Variants in NSD1 observed in about 807,000 individuals in gnomAD.
NSD1 encodes nuclear receptor binding SET domain protein 1.
A neutral mutation model predicts 242.7 loss-of-function variants in NSD1; 26 were observed. The ratio of observed to expected loss-of-function variants is 0.11; its 90% CI spans 0.08 to 0.15. NSD1 has a LOEUF of 0.15. Among genes scored for constraint, NSD1 ranks in the 10% least tolerant of loss-of-function variants. NSD1 has a pLI of 1.00. For missense variants in NSD1, 2,495 were observed against 3,272.8 expected, an observed-to-expected ratio of 0.76 and a Z score of 5.80; for synonymous variants, 1,106 against 1,178.1, an observed-to-expected ratio of 0.94 and a Z score of 1.25.
intron 17 of NSD1, among the ~76,000 whole-genome samples, chr5:177,277,055 A>G (rs897312581): frequency 1.3e-5 from 2 of 152,150 alleles, no homozygotes; most frequent in Admixed American, 1.3e-4. Flanking sequence ...CATATTAACC[A>G]TATTGAGCTA....
At chr5:177,278,967 TG>T (rs1758620739) in intron 17 of NSD1, among the ~76,000 whole-genome samples, 1 of 152,242 alleles carries the variant, frequency 6.6e-6, no homozygotes, top group Non-Finnish European at 1.5e-5. Context: ...TTGACCTTCA[TG>T]TTTTAACTCA....
intron 21 of NSD1, among the ~76,000 whole-genome samples, chr5:177,289,805 C>G (rs1409096935): frequency 3.3e-5 from 5 of 151,206 alleles, no homozygotes; most frequent in African/African-American, 1.2e-4. Context: ...TCTATATTCT[C>G]CTTATTTTTT....
At chr5:177,279,609 A>ATTTTTTTTTTTTTTTTTTTTTTT (rs1457964040) in intron 17 of NSD1, among the ~76,000 whole-genome samples, 1 of 107,790 alleles carries the variant, frequency 9.3e-6, no homozygotes, top group African/African-American at 3.8e-5. Context: ...CAGCTTTGAA[A>ATTTTTTTTTTTTTTTTTTTTTTT]ATTTTTTTTT....
intron 8 of NSD1, among the ~76,000 whole-genome samples, chr5:177,240,388 A>G (rs1042841110): frequency 3.3e-5 from 5 of 151,080 alleles, no homozygotes; most frequent in Admixed American, 1.3e-4. Flanking sequence ...TTTTTATGTG[A>G]TAAATACTTT....
chr5:177,282,634 G>T, intron 19 of NSD1, 53 bp downstream of exon 19: 2 of 1,293,812 alleles, frequency 1.5e-6, no homozygotes, highest in Non-Finnish European at 2.3e-6. Context: ...AATTTGTGTT[G>T]TCCCAGCCAT....
chr5:177,295,460 T>C lies in NSD1; in HGVS notation c.*1T>C. On this transcript the variant is annotated 3_prime_UTR_variant, in exon 23 of 23. Coordinates refer to ENST00000439151, the MANE Select transcript of NSD1 (RefSeq NM_022455.5). The surrounding 1 kb of genome is among the most constrained non-coding windows in gnomAD (Gnocchi z 4.3). ...GTGTGCAGAATCAGAACAGAAGTAG[T>C]ACCAATCAATGTCACATGAACAAAC... The C allele has an allele frequency of 1.9e-6, 3 of 1,613,704 alleles. No homozygotes were observed. Among genetic ancestry groups the C allele is most frequent in the Non-Finnish European group, 2.5e-6 (3 of 1,179,808 alleles).
intron 5 of NSD1, among the ~76,000 whole-genome samples, chr5:177,226,045 A>G (rs1403619371): frequency 6.6e-6 from 1 of 152,142 alleles, no homozygotes. Context: ...AGTGTGCCAT[A>G]GTTTTTCGTT....
At chr5:177,287,919 A>T (rs963227139) in intron 20 of NSD1, among the ~76,000 whole-genome samples, 4 of 152,252 alleles carry the variant, frequency 2.6e-5, no homozygotes, top group Admixed American at 2.6e-4. Context: ...AAAACTATGT[A>T]TAGCAGTCTC....
chr5:177,179,446 C>T (rs1411528074), intron 2 of NSD1, among the ~76,000 whole-genome samples: 1 of 152,196 alleles, frequency 6.6e-6, no homozygotes, highest in Non-Finnish European at 1.5e-5. Flanking sequence ...AACTCCTGAC[C>T]TCTGGTGATC....
intron 16 of NSD1, among the ~76,000 whole-genome samples, chr5:177,271,493 G>A (rs934377278): frequency 6.6e-6 from 1 of 152,140 alleles, no homozygotes; most frequent in African/African-American, 2.4e-5. Flanking sequence ...ACCAGTAAGT[G>A]ATAGAGGAAT....
At chr5:177,273,410 G>T (rs189204958) in intron 16 of NSD1, among the ~76,000 whole-genome samples, 4 of 151,368 alleles carry the variant, frequency 2.6e-5, no homozygotes, top group Non-Finnish European at 2.9e-5. Context: ...ATGGATGCCA[G>T]TGATCTAAAG....
At chr5:177,153,928 G>T (rs558499701) in intron 2 of NSD1, among the ~76,000 whole-genome samples, 1 of 152,110 alleles carries the variant, frequency 6.6e-6, no homozygotes, top group Non-Finnish European at 1.5e-5. Context: ...ACCCCTAAGT[G>T]TAGCAGCTTA....
intron 16 of NSD1, among the ~76,000 whole-genome samples, chr5:177,270,468 G>C (rs1757864334): frequency 6.6e-6 from 1 of 152,168 alleles, no homozygotes; most frequent in South Asian, 2.1e-4. Context: ...TATCCCCTTA[G>C]TGGTAATTAC....
chr5:177,280,334 G>A (rs1331630678), intron 17 of NSD1, among the ~76,000 whole-genome samples: 1 of 152,136 alleles, frequency 6.6e-6, no homozygotes, highest in Non-Finnish European at 1.5e-5. Context: ...GAGTGCAGTG[G>A]TGAAATCTTG....
intron 2 of NSD1, chr5:177,137,211 T>A (rs1434937738): frequency 3.2e-6 from 1 of 307,708 alleles, no homozygotes; most frequent in Admixed American, 5.0e-5. Context: ...GCTATAAGAT[T>A]CCTTCAGCTT....
intron 2 of NSD1, among the ~76,000 whole-genome samples, chr5:177,139,720 C>T (rs1171895526): frequency 7.9e-5 from 12 of 152,028 alleles, no homozygotes; most frequent in Admixed American, 2.0e-4. Context: ...GTTGGGAAGC[C>T]GAGACAAAAG....
At chr5:177,256,149 C>T (rs1299532338) in intron 12 of NSD1, among the ~76,000 whole-genome samples, 1 of 151,908 alleles carries the variant, frequency 6.6e-6, no homozygotes, top group African/African-American at 2.4e-5. Flanking sequence ...AGAGAGAGGC[C>T]AAAAACGTCT....
At chr5:177,257,817 T>TTTTTA (rs10616203) in intron 13 of NSD1, among the ~76,000 whole-genome samples, 84,803 of 139,450 alleles carry the variant, frequency 0.61, 29,477 homozygotes, top group Non-Finnish European at 0.79. Context: ...CTGGGCTTTT[T>TTTTTA]TTTTATTTTA....
chr5:177,150,080 GT>G (rs67370003), intron 2 of NSD1, among the ~76,000 whole-genome samples: 3,996 of 151,972 alleles, frequency 0.026, 180 homozygotes, highest in African/African-American at 0.091. Flanking sequence ...AGGACTACAG[GT>G]GTGTCCCACC....
Sources: gnomAD v4.1 joint callset for allele counts (sites outside exome capture counted in the v4.1 genomes callset) on GRCh38, gnomAD v4.1.1 for gene constraint, Gnocchi (gnomAD v3.1) non-coding constraint, MANE v1.5 for transcripts, NCBI Gene and HGNC (gene_info 2026-07-23, HGNC 2026-07-21) for gene names.